Variants in COL26A1 observed in about 807,000 individuals in gnomAD.
The protein encoded by COL26A1 is collagen type XXVI alpha 1 chain.
A neutral mutation model predicts 59.3 loss-of-function variants in COL26A1; 41 were observed. That is an observed-to-expected ratio of 0.69 (90% CI 0.54 to 0.90). The LOEUF (loss-of-function observed/expected upper bound fraction) is 0.90. Ranked by LOEUF, COL26A1 falls within the 40% of genes least tolerant of loss-of-function variation. The pLI is 0.00. For synonymous variants in COL26A1, 266 were observed against 256.0 expected (o/e 1.04, Z -0.37); for missense variants, 612 against 602.3 (o/e 1.02, Z -0.17).
At position 101,419,887 on chromosome 7, in the gene COL26A1, G is replaced by A. The variant is rs1792469812; in HGVS notation, c.159-90G>A. 7 of 1,476,070 alleles carry A rather than the reference G, an allele frequency of 4.7e-6. No individual in the cohort carries two copies. In the African/African-American group the frequency reaches 7.0e-5, roughly 15 times the overall value. The allele number at this position is 1,476,070 out of a possible 1,614,324, so 91.4% of individuals were successfully genotyped here. A position where few individuals can be genotyped will look rare whatever the true frequency, so the allele number is the denominator to read the frequency against. On this transcript the variant is annotated intron_variant, in intron 1 of 12. Coordinates refer to ENST00000313669, the MANE Select transcript of COL26A1 (RefSeq NM_001278563.3). ...GCGAGCCTCCACCCCAGGTTTGCGG[G>A]GGCCCCTCCCTGTCCAGCACGGCCC...
At chr7:101,407,726 C>T (rs1454778656) in intron 1 of COL26A1, among the ~76,000 whole-genome samples, 1 of 151,706 alleles carries the variant, frequency 6.6e-6, no homozygotes, top group South Asian at 2.1e-4. Flanking sequence ...TAAAACATAC[C>T]CCCTAGCACC....
rs540267631 is a variant in COL26A1, at chr7:101,468,035, A to G, written c.385+20248A>G. On this transcript the variant is annotated intron_variant, in intron 3 of 12. Transcript: ENST00000313669. ...GCTGCTTTTTGTTAGAAAAGAAATG[A>G]TTCACACTTGTAATCCCAGCACTTT... Among the ~76,000 whole-genome samples, 5 of 151,564 alleles carry G rather than the reference A, an allele frequency of 3.3e-5. No homozygotes were observed. The South Asian group carries it at 6.3e-4, about 19-fold the overall frequency.
chr7:101,438,551 G>A (rs1444967430), intron 2 of COL26A1, among the ~76,000 whole-genome samples: 6 of 151,490 alleles, frequency 4.0e-5, no homozygotes, highest in Admixed American at 6.6e-5. Flanking sequence ...CCTACCTGCC[G>A]CACAGTCTCT....
intron 3 of COL26A1, among the ~76,000 whole-genome samples, chr7:101,501,437 C>T (rs1437856194): frequency 1.3e-5 from 2 of 152,126 alleles, no homozygotes; most frequent in Non-Finnish European, 2.9e-5. Context: ...AGGAGGAGCT[C>T]AGAGGTGAGA....
intron 1 of COL26A1, among the ~76,000 whole-genome samples, chr7:101,373,784 A>G (rs1791245755): frequency 6.6e-6 from 1 of 152,204 alleles, no homozygotes; most frequent in Admixed American, 6.6e-5. Context: ...TGTTAATATC[A>G]GTGAGACCTT....
At chr7:101,462,794 G>A (rs538482698) in intron 3 of COL26A1, among the ~76,000 whole-genome samples, 79 of 152,162 alleles carry the variant, frequency 5.2e-4, no homozygotes, top group African/African-American at 1.7e-3. Context: ...GGGGAACACC[G>A]AGAAGCAGAG....
At chr7:101,406,022 G>GCACTCCCGGAGCCC (rs1243081906) in intron 1 of COL26A1, among the ~76,000 whole-genome samples, 1 of 152,190 alleles carries the variant, frequency 6.6e-6, no homozygotes, top group South Asian at 2.1e-4. Flanking sequence ...AGTAGGTCGT[G>GCACTCCCGGAGCCC]CACTCCCGGA....
intron 9 of COL26A1, among the ~76,000 whole-genome samples, 180 bp downstream of exon 9, chr7:101,549,403 A>G (rs1169263597): frequency 1.3e-5 from 2 of 152,118 alleles, no homozygotes; most frequent in Non-Finnish European, 2.9e-5. Flanking sequence ...TATTTTTGAG[A>G]TGGAGTCTCT....
chr7:101,500,046 TAGCTGTC>T (rs1389520605), intron 3 of COL26A1, among the ~76,000 whole-genome samples: 1 of 152,202 alleles, frequency 6.6e-6, no homozygotes, highest in Non-Finnish European at 1.5e-5. Context: ...ATGCATCAAT[TAGCTGTC>T]TTGTTCTATG....
At chr7:101,420,222 T>C in intron 2 of COL26A1, 123 bp downstream of exon 2, 1 of 1,144,342 alleles carries the variant, frequency 8.7e-7, no homozygotes, top group Non-Finnish European at 1.3e-6. Context: ...CATGCATTTA[T>C]GGAGCACCTT....
At chr7:101,402,343 G>A (rs1226439716) in intron 1 of COL26A1, among the ~76,000 whole-genome samples, 2 of 152,082 alleles carry the variant, frequency 1.3e-5, no homozygotes, top group Non-Finnish European at 2.9e-5. Context: ...GCTGATTGCA[G>A]GAGGATGGGA....
chr7:101,470,303 A>G (rs1306732725), intron 3 of COL26A1, among the ~76,000 whole-genome samples: 3 of 151,890 alleles, frequency 2.0e-5, no homozygotes, highest in African/African-American at 7.3e-5. Context: ...CATGTTGGCC[A>G]GGCTGGTCTT....
At chr7:101,501,107 A>G (rs1056021026) in intron 3 of COL26A1, among the ~76,000 whole-genome samples, 1 of 147,852 alleles carries the variant, frequency 6.8e-6, no homozygotes, top group Non-Finnish European at 1.5e-5. Flanking sequence ...AATCGCTTGT[A>G]CTGGGAAGGC....
At chr7:101,497,132 G>T (rs1408268720) in intron 3 of COL26A1, among the ~76,000 whole-genome samples, 1 of 152,046 alleles carries the variant, frequency 6.6e-6, no homozygotes, top group Non-Finnish European at 1.5e-5. Context: ...CAGCTACTTG[G>T]GAGGCTGAGG....
intron 1 of COL26A1, among the ~76,000 whole-genome samples, chr7:101,378,218 A>G (rs992503670): frequency 1.3e-5 from 2 of 152,128 alleles, no homozygotes; most frequent in East Asian, 3.9e-4. Context: ...TGTCTCTACT[A>G]AAAATACAAA....
chr7:101,483,571 G>C (rs150207530), intron 3 of COL26A1, among the ~76,000 whole-genome samples: 44 of 152,030 alleles, frequency 2.9e-4, no homozygotes, highest in Non-Finnish European at 5.0e-4. Context: ...GGAGTGGCGT[G>C]ATCATAGCTC....
At chr7:101,537,445 C>T (rs954580756) in intron 4 of COL26A1, among the ~76,000 whole-genome samples, 2 of 152,242 alleles carry the variant, frequency 1.3e-5, no homozygotes, top group Admixed American at 6.5e-5. Context: ...CCCCGAAGGC[C>T]GTGGCCTGGT....
At chr7:101,542,777 G>A (rs1010466563) in intron 5 of COL26A1, among the ~76,000 whole-genome samples, 48 of 136,480 alleles carry the variant, frequency 3.5e-4, no homozygotes, top group Non-Finnish European at 6.1e-5. Flanking sequence ...ACGGGAAGGG[G>A]GACCTCTCTC....
At chr7:101,366,808 A>C (rs1341922182) in intron 1 of COL26A1, among the ~76,000 whole-genome samples, 1 of 152,074 alleles carries the variant, frequency 6.6e-6, no homozygotes, top group African/African-American at 2.4e-5. Flanking sequence ...GCCAAAAAGC[A>C]GTTTTTAATT....
Sources: gnomAD v4.1 joint callset for allele counts (sites outside exome capture counted in the v4.1 genomes callset) on GRCh38, gnomAD v4.1.1 for gene constraint, MANE v1.5 for transcripts, NCBI Gene and HGNC (gene_info 2026-07-23, HGNC 2026-07-21) for gene names.